Variants in B4GALT6 observed in about 807,000 individuals in gnomAD.
The protein encoded by B4GALT6 is beta-1,4-galactosyltransferase 6.
Under a neutral mutation model 46.3 loss-of-function variants are expected in B4GALT6, and 14 were observed. The observed-to-expected ratio is 0.30, with a 90% CI of 0.20 to 0.47. The LOEUF (loss-of-function observed/expected upper bound fraction) is 0.47, where lower values mean the gene tolerates loss of function less well. B4GALT6 is among the 20% of genes least tolerant of loss of function. The pLI, the probability that B4GALT6 is intolerant of heterozygous loss-of-function variation, is 0.99. For missense variants in B4GALT6, 386 were observed against 480.1 expected, an observed-to-expected ratio of 0.80 and a Z score of 1.83; for synonymous variants, 168 against 162.0, an observed-to-expected ratio of 1.04 and a Z score of -0.28.
At chr18:31,626,095 G>A (rs541916297) in intron 8 of B4GALT6, among the ~76,000 whole-genome samples, 188 bp downstream of exon 8, 1 of 152,048 alleles carries the variant, frequency 6.6e-6, no homozygotes, top group Non-Finnish European at 1.5e-5. Flanking sequence ...GTATATATAC[G>A]TATATCTCTT....
At chr18:31,706,019 T>A in the B4GALT6 span, among the ~76,000 whole-genome samples, 1 of 152,230 alleles carries the variant, frequency 6.6e-6, no homozygotes. Context: ...TGCTTTTAGC[T>A]TTTTGGAAAT....
At chr18:31,687,888 G>C (rs2029981110), upstream of B4GALT6, among the ~76,000 whole-genome samples, 1 of 152,112 alleles carries the variant, frequency 6.6e-6, no homozygotes, top group Admixed American at 6.5e-5. Context: ...TACTTAGTCT[G>C]TGCTGACTGA....
intron 4 of B4GALT6, among the ~76,000 whole-genome samples, chr18:31,642,387 G>A (rs2073940689): frequency 6.6e-6 from 1 of 152,152 alleles, no homozygotes; most frequent in African/African-American, 2.4e-5. Flanking sequence ...TTCTGAAACA[G>A]GGAGGCCAAG....
chr18:31,648,721 C>G (rs1598890978), intron 3 of B4GALT6, among the ~76,000 whole-genome samples: 1 of 152,180 alleles, frequency 6.6e-6, no homozygotes, highest in African/African-American at 2.4e-5. Context: ...TTTACTTTTT[C>G]TATTAAAATA....
At chr18:31,709,583 GTGTGTGTGTGTGTGTGTGTGTA>G in the B4GALT6 span, among the ~76,000 whole-genome samples, 9 of 140,690 alleles carry the variant, frequency 6.4e-5, no homozygotes, top group African/African-American at 2.3e-4. Context: ...GTGTGTGTGT[GTGTGTGTGTGTGTGTGTGTGTA>G]TATATATATC....
intron 6 of B4GALT6, among the ~76,000 whole-genome samples, chr18:31,630,096 A>C (rs999566524): frequency 1.2e-4 from 8 of 65,044 alleles, no homozygotes; most frequent in South Asian, 5.7e-4. Flanking sequence ...GGGAGGGGGA[A>C]GGAGGGGAGC....
intron 1 of B4GALT6, among the ~76,000 whole-genome samples, chr18:31,680,788 A>G (rs1317918856): frequency 6.6e-6 from 1 of 152,244 alleles, no homozygotes; most frequent in African/African-American, 2.4e-5. Context: ...GACCTCAAGC[A>G]TCTGAACACC....
chr18:31,655,389 C>T (rs147377044), intron 3 of B4GALT6, among the ~76,000 whole-genome samples: 51 of 152,324 alleles, frequency 3.3e-4, no homozygotes, highest in African/African-American at 1.2e-3. Context: ...GCTGGCCACA[C>T]TAGTGTGATC....
At position 31,671,509 on chromosome 18, in the gene B4GALT6, A is replaced by AT. The variant is rs566313826; in HGVS notation, c.116-5138dup. Among the ~76,000 whole-genome samples, 536 of 152,176 alleles carry AT rather than the reference A, an allele frequency of 3.5e-3. 3 individuals are homozygous for AT. The highest frequency in any genetic ancestry group is 0.012 in the African/African-American group (504 of 41,514). ...TCTCTAATGACCAGTGATGATGAGC[A>AT]TTTTTTCATATGTCTGTTGGCTGCA... On this transcript the variant is annotated intron_variant, in intron 1 of 8. Transcript: ENST00000306851.
intron 1 of B4GALT6, among the ~76,000 whole-genome samples, chr18:31,677,423 G>A (rs946534736): frequency 2.0e-5 from 3 of 152,164 alleles, no homozygotes; most frequent in African/African-American, 7.2e-5. Context: ...GCCTAATACA[G>A]GATGTAAATG....
intron 1 of B4GALT6, among the ~76,000 whole-genome samples, chr18:31,673,603 A>T (rs1039069778): frequency 6.6e-6 from 1 of 152,172 alleles, no homozygotes; most frequent in African/African-American, 2.4e-5. Context: ...CAGAAGATGA[A>T]CTAACATTTA....
the B4GALT6 span, among the ~76,000 whole-genome samples, chr18:31,698,187 A>G: frequency 2.6e-5 from 4 of 152,182 alleles, no homozygotes; most frequent in African/African-American, 4.8e-5. Flanking sequence ...TCTCAGCTGT[A>G]TATTTAATTC....
chr18:31,715,537 C>CTTTTTT, the B4GALT6 span, among the ~76,000 whole-genome samples: 34 of 49,628 alleles, frequency 6.9e-4, 2 homozygotes, highest in African/African-American at 2.0e-3. Flanking sequence ...CTGGAACTGT[C>CTTTTTT]TTTTTTTTTT....
At chr18:31,724,586 T>C in the B4GALT6 span, 9 of 1,063,186 alleles carry the variant, frequency 8.5e-6, no homozygotes, top group African/African-American at 8.5e-5. Context: ...TGGACACGGA[T>C]TCAGCTGGAG....
chr18:31,649,364 AGAAT>A (rs1012905803), intron 3 of B4GALT6, among the ~76,000 whole-genome samples: 4 of 152,222 alleles, frequency 2.6e-5, no homozygotes, highest in Admixed American at 2.0e-4. Flanking sequence ...GCCTGGACAC[AGAAT>A]GAATGAATGA....
the B4GALT6 span, among the ~76,000 whole-genome samples, chr18:31,719,652 T>C: frequency 6.6e-6 from 1 of 152,186 alleles, no homozygotes. Flanking sequence ...TTACTGAAAT[T>C]AGTCTCCCTG....
chr18:31,699,740 T>C, the B4GALT6 span, among the ~76,000 whole-genome samples: 2 of 147,142 alleles, frequency 1.4e-5, no homozygotes, highest in Admixed American at 1.4e-4. Flanking sequence ...ATTGAATCAA[T>C]AGAAATTTAG....
At chr18:31,680,860 C>G (rs1555641941) in intron 1 of B4GALT6, among the ~76,000 whole-genome samples, 1 of 152,204 alleles carries the variant, frequency 6.6e-6, no homozygotes, top group Non-Finnish European at 1.5e-5. Flanking sequence ...ACTCCAAGCC[C>G]TAAGCAGTAG....
At position 31,638,646 on chromosome 18, in the gene B4GALT6, G is replaced by C; in HGVS notation, c.586C>G (p.Gln196Glu). The C allele has an allele frequency of 6.2e-7, 1 of 1,606,396 alleles. No individual in the cohort carries two copies. Among genetic ancestry groups the C allele is most frequent in the Non-Finnish European group, 8.5e-7 (1 of 1,173,080 alleles). The change falls in exon 5 of 9, where the codon CAG becomes GAG. Residue 196 changes from glutamine to glutamate, a missense_variant and splice_region_variant. Physicochemically the swap from Gln to Glu is conservative, Grantham distance 29 (BLOSUM62 2). Transcript: ENST00000306851. ...RLEFAFYVIE[Q>E]TGTQPFNRAM... ...ACCACTATGAAAAGTATTCTCACCT[G>C]TTCAATGACATAAAACGCAAATTCC...
Sources: allele counts gnomAD v4.1 joint callset (sites outside exome capture counted in the v4.1 genomes callset), GRCh38; gene constraint gnomAD v4.1.1; transcripts MANE v1.5; gene names NCBI Gene and HGNC (gene_info 2026-07-23, HGNC 2026-07-21).